Variants in FAM222B observed in about 807,000 individuals in gnomAD.
The protein encoded by FAM222B is protein FAM222B.
Under a neutral mutation model 38.0 loss-of-function variants are expected in FAM222B, and 12 were observed. The observed-to-expected ratio is 0.32, with a 90% CI of 0.20 to 0.51. The LOEUF (loss-of-function observed/expected upper bound fraction) is 0.51, where lower values mean the gene tolerates loss of function less well. Ranked by LOEUF, FAM222B falls within the 20% of genes least tolerant of loss-of-function variation. FAM222B has a pLI of 0.97. For missense variants in FAM222B, 716 were observed against 754.2 expected, an observed-to-expected ratio of 0.95 and a Z score of 0.59; for synonymous variants, 329 against 317.2, an observed-to-expected ratio of 1.04 and a Z score of -0.40.
chr17:28,802,379 T>A (rs1468881529), intron 1 of FAM222B: 1 of 151,666 alleles, frequency 6.6e-6, no homozygotes, highest in Non-Finnish European at 1.5e-5. Context: ...ATTATAGACA[T>A]GAGCCACTGC....
chr17:28,801,136 G>A (rs2037200285), intron 1 of FAM222B, among the ~76,000 whole-genome samples: 2 of 146,956 alleles, frequency 1.4e-5, no homozygotes, highest in South Asian at 2.1e-4. Flanking sequence ...CAGCTTGGAC[G>A]ACAGAGCGAG....
At chr17:28,787,073 C>A (rs1238074940) in intron 1 of FAM222B, among the ~76,000 whole-genome samples, 2 of 151,892 alleles carry the variant, frequency 1.3e-5, no homozygotes, top group African/African-American at 4.8e-5. Context: ...TACAGGCGCC[C>A]GCAACCACGC....
At chr17:28,844,917 A>G (rs2039134837), upstream of FAM222B, among the ~76,000 whole-genome samples, 1 of 151,956 alleles carries the variant, frequency 6.6e-6, no homozygotes. Flanking sequence ...CCTGGCCAAC[A>G]CGGTGAAACC....
chr17:28,827,153 A>G (rs994342359), intron 1 of FAM222B, among the ~76,000 whole-genome samples: 53 of 152,082 alleles, frequency 3.5e-4, no homozygotes, highest in African/African-American at 1.3e-3. Flanking sequence ...TCAAAAAAAG[A>G]AAAAAACAGC....
chr17:28,838,187 GCAGGAGAACTGCTTGAGC>G, intron 1 of FAM222B, among the ~76,000 whole-genome samples: 1 of 146,644 alleles, frequency 6.8e-6, no homozygotes, highest in South Asian at 2.1e-4. Flanking sequence ...ACTGCTTGAA[GCAGGAGAACTGCTTGAGC>G]CAGGGAGGCA....
At chr17:28,764,018 C>G (rs186798574) in intron 2 of FAM222B, among the ~76,000 whole-genome samples, 67 of 152,178 alleles carry the variant, frequency 4.4e-4, no homozygotes, top group African/African-American at 1.5e-3. Flanking sequence ...GTTTAAGGAC[C>G]AAGGACCTTT....
chr17:28,845,282 T>C (rs908046078), upstream of FAM222B, among the ~76,000 whole-genome samples: 2 of 151,282 alleles, frequency 1.3e-5, no homozygotes, highest in African/African-American at 4.9e-5. Flanking sequence ...GCCCCTGCAG[T>C]CCCAGCTACT....
intron 1 of FAM222B, among the ~76,000 whole-genome samples, chr17:28,830,435 C>G (rs2038626835): frequency 6.6e-6 from 1 of 152,110 alleles, no homozygotes; most frequent in East Asian, 1.9e-4. Flanking sequence ...GCTGGGATTA[C>G]AGGTGTGAGC....
chr17:28,791,844 G>A (rs984332352), intron 1 of FAM222B, among the ~76,000 whole-genome samples: 1 of 151,298 alleles, frequency 6.6e-6, no homozygotes, highest in Admixed American at 6.6e-5. Context: ...ATTTTTAGTA[G>A]AGACTGGGTT....
At chr17:28,841,798 T>C (rs994711801) in intron 1 of FAM222B, among the ~76,000 whole-genome samples, 5 of 152,190 alleles carry the variant, frequency 3.3e-5, no homozygotes, top group African/African-American at 1.2e-4. Flanking sequence ...TGCAAACCGT[T>C]TGTAAAAACG....
At chr17:28,802,813 G>C (rs954807645) in intron 1 of FAM222B, 4 of 153,360 alleles carry the variant, frequency 2.6e-5, no homozygotes, top group African/African-American at 4.8e-5. Context: ...ACTCCATGTG[G>C]ATAAGAACTA....
At chr17:28,824,910 C>A (rs2038382766) in intron 1 of FAM222B, among the ~76,000 whole-genome samples, 1 of 152,154 alleles carries the variant, frequency 6.6e-6, no homozygotes, top group Non-Finnish European at 1.5e-5. Context: ...GGATTACAGG[C>A]ATGTGCCACC....
At chr17:28,796,642 C>A (rs1260975779) in intron 1 of FAM222B, among the ~76,000 whole-genome samples, 1 of 151,944 alleles carries the variant, frequency 6.6e-6, no homozygotes, top group African/African-American at 2.4e-5. Context: ...AACAATTTAT[C>A]TTCTTTTAAC....
chr17:28,841,246 G>A (rs2039027766), intron 1 of FAM222B, among the ~76,000 whole-genome samples: 1 of 152,174 alleles, frequency 6.6e-6, no homozygotes, highest in Admixed American at 6.5e-5. Context: ...TGTGAGCCGA[G>A]ATGATGCCAC....
intron 1 of FAM222B, among the ~76,000 whole-genome samples, chr17:28,804,497 G>T (rs771961679): frequency 6.6e-6 from 1 of 152,014 alleles, no homozygotes. Context: ...ACCACGCCCA[G>T]CTAACTTTTG....
At chr17:28,793,612 A>C (rs111740660) in intron 1 of FAM222B, among the ~76,000 whole-genome samples, 70 of 152,282 alleles carry the variant, frequency 4.6e-4, no homozygotes, top group African/African-American at 1.6e-3. Context: ...AGGCCTGGGA[A>C]GTTCTAGAGG....
At chr17:28,793,312 A>C (rs1405062269) in intron 1 of FAM222B, among the ~76,000 whole-genome samples, 1 of 151,970 alleles carries the variant, frequency 6.6e-6, no homozygotes, top group East Asian at 1.9e-4. Flanking sequence ...TGTCATGCAA[A>C]CTCTCTTATA....
chr17:28,769,184 T>TTC (rs2035492843), intron 1 of FAM222B, among the ~76,000 whole-genome samples: 2 of 141,006 alleles, frequency 1.4e-5, no homozygotes, highest in African/African-American at 5.2e-5. Flanking sequence ...CTTTTTTTTT[T>TTC]TTTTTTTTTT....
intron 1 of FAM222B, among the ~76,000 whole-genome samples, chr17:28,779,477 C>T (rs1183825307): frequency 6.6e-6 from 1 of 152,050 alleles, no homozygotes; most frequent in African/African-American, 2.4e-5. Flanking sequence ...ACAGGCCGGG[C>T]GCGGTGGCTC....
Sources: gnomAD v4.1 joint callset for allele counts (sites outside exome capture counted in the v4.1 genomes callset) on GRCh38, gnomAD v4.1.1 for gene constraint, MANE v1.5 for transcripts, NCBI Gene and HGNC (gene_info 2026-07-23, HGNC 2026-07-21) for gene names.